Variants in CHST9 observed in about 807,000 individuals in gnomAD.
The protein encoded by CHST9 is GalNAc-4-sulfotransferase 2.
A neutral mutation model predicts 44.4 loss-of-function variants in CHST9; 41 were observed. That is an observed-to-expected ratio of 0.92 (90% CI 0.72 to 1.20). CHST9 has a LOEUF of 1.20. Ranked by LOEUF, CHST9 falls within the 50% of genes most tolerant of loss-of-function variation. The pLI is 0.00. For synonymous variants in CHST9, 171 were observed against 178.4 expected, an observed-to-expected ratio of 0.96 and a Z score of 0.33; for missense variants, 504 against 516.5, an observed-to-expected ratio of 0.98 and a Z score of 0.23.
At chr18:27,165,920 T>C (rs1242762967) in intron 1 of CHST9, among the ~76,000 whole-genome samples, 1 of 152,208 alleles carries the variant, frequency 6.6e-6, no homozygotes, top group Non-Finnish European at 1.5e-5. Flanking sequence ...ACTTCCTTTT[T>C]TAACGGCTAC....
chr18:27,045,213 A>C lies in CHST9; in HGVS notation c.160+3252T>G, dbSNP rs550233984. On this transcript the variant is annotated intron_variant, in intron 3 of 5. Transcript: ENST00000618847. ...TAGGGCTATTCTTTCCATTATACTT[A>C]ACTGAATTTGAAAGAGTTCTTCTTT... Among the ~76,000 whole-genome samples the C allele has an allele frequency of 2.6e-5, 4 of 152,126 alleles. 1 individual carries two copies. Among genetic ancestry groups the C allele is most frequent in the African/African-American group, 7.2e-5 (3 of 41,548 alleles).
At chr18:27,014,378 C>T (rs1399237286) in intron 4 of CHST9, among the ~76,000 whole-genome samples, 2 of 131,236 alleles carry the variant, frequency 1.5e-5, no homozygotes, top group African/African-American at 2.8e-5. Flanking sequence ...GGCGTGAACC[C>T]GGGAGGCGGA....
chr18:27,016,429 G>C (rs1037575627), intron 4 of CHST9, among the ~76,000 whole-genome samples: 2 of 152,190 alleles, frequency 1.3e-5, no homozygotes, highest in African/African-American at 4.8e-5. Flanking sequence ...CCAAGTCTGT[G>C]ATTAGATGCC....
At chr18:27,177,245 C>T (rs1017828222) in intron 1 of CHST9, among the ~76,000 whole-genome samples, 8 of 151,740 alleles carry the variant, frequency 5.3e-5, no homozygotes, top group African/African-American at 1.5e-4. Context: ...AATTACCCTC[C>T]TTCTAATCGA....
intron 2 of CHST9, among the ~76,000 whole-genome samples, chr18:27,082,884 A>G (rs1234214554): frequency 6.6e-6 from 1 of 152,186 alleles, no homozygotes; most frequent in African/African-American, 2.4e-5. Flanking sequence ...TTAAATCCCT[A>G]TAGCAATCAG....
chr18:27,091,801 T>A (rs2058071681), intron 2 of CHST9, among the ~76,000 whole-genome samples: 1 of 152,234 alleles, frequency 6.6e-6, no homozygotes, highest in African/African-American at 2.4e-5. Context: ...GAAGCCAACT[T>A]GATCATAGTG....
At chr18:27,167,124 A>C (rs954500060) in intron 1 of CHST9, among the ~76,000 whole-genome samples, 9 of 152,236 alleles carry the variant, frequency 5.9e-5, no homozygotes, top group Non-Finnish European at 2.9e-5. Flanking sequence ...TAGGAATTTC[A>C]TCTCCTGCTT....
chr18:26,929,789 G>T (rs368479616), intron 5 of CHST9, among the ~76,000 whole-genome samples: 7 of 152,054 alleles, frequency 4.6e-5, no homozygotes, highest in African/African-American at 1.7e-4. Flanking sequence ...AGAAGAGGAG[G>T]CACAAAAGTA....
chr18:26,916,962 T>C lies in CHST9; in HGVS notation c.629A>G (p.Asp210Gly). The C allele has an allele frequency of 6.2e-7, 1 of 1,613,936 alleles. No individual in the cohort carries two copies. The highest frequency in any genetic ancestry group is 1.1e-5 in the South Asian group (1 of 91,066). Residue 210 changes from aspartate to glycine, a missense_variant, in exon 6 of 6, where the codon GAT (aspartate) becomes GGT (glycine). Physicochemically the swap from Asp to Gly is moderately conservative, Grantham distance 94 (BLOSUM62 -1). Coordinates refer to ENST00000618847, the MANE Select transcript of CHST9 (RefSeq NM_031422.6). ...CTCACAATATAAGATTTTGTGTTTA[T>C]CTTCTACATAGATTCTGGATACTGT... The part of the protein sequence containing the change: ...FHTVSRIYVE[D>G]KHKILYCEVP...
intron 2 of CHST9, among the ~76,000 whole-genome samples, chr18:27,093,752 C>T (rs2058091041): frequency 6.6e-6 from 1 of 152,212 alleles, no homozygotes; most frequent in South Asian, 2.1e-4. Context: ...GGGCTGCACC[C>T]ACTGTCAAAC....
At chr18:27,010,021 C>A (rs1232160053) in intron 4 of CHST9, among the ~76,000 whole-genome samples, 1 of 152,158 alleles carries the variant, frequency 6.6e-6, no homozygotes, top group African/African-American at 2.4e-5. Context: ...AACCCTCTAA[C>A]CTCAGTTTTC....
At position 26,913,794 on chromosome 18, in the gene CHST9, G is replaced by A. The variant is rs1333904332; in HGVS notation, c.*2465C>T. On this transcript the variant is annotated 3_prime_UTR_variant, in exon 6 of 6. Coordinates refer to ENST00000618847, the MANE Select transcript of CHST9 (RefSeq NM_031422.6). Reference sequence around the variant, plus strand: ...GCAGAAATGACAAAGGTGAATGTGAGCTGGTCTGCAAGGCCAAATAAGTCA... The same window carrying A: ...GCAGAAATGACAAAGGTGAATGTGAACTGGTCTGCAAGGCCAAATAAGTCA... 6.6e-6 allele frequency: 1 copy of A among 152,186 alleles called. No individual in the cohort carries two copies. Among genetic ancestry groups the A allele is most frequent in the Non-Finnish European group, 1.5e-5 (1 of 68,030 alleles). The allele number at this position is 152,186 out of a possible 1,614,324, so 9.4% of individuals were successfully genotyped here.
chr18:26,956,173 G>T (rs1245327682), intron 4 of CHST9, among the ~76,000 whole-genome samples: 1 of 151,334 alleles, frequency 6.6e-6, no homozygotes, highest in East Asian at 2.0e-4. Context: ...TTAGCTGGGT[G>T]TGGTGGCGCA....
chr18:27,022,308 T>C lies in CHST9; in HGVS notation c.202+1808A>G, dbSNP rs576582746. On this transcript the variant is annotated intron_variant, in intron 4 of 5. Transcript: ENST00000618847. ...ACTCTCTCAAATTTCTTTATATCCA[T>C]CTTTAAACTCATCTTAGTTTTTCCC... Among the ~76,000 whole-genome samples the C allele has an allele frequency of 2.6e-5, 4 of 152,234 alleles. No individual in the cohort carries two copies. In the South Asian group the frequency reaches 8.3e-4, roughly 32 times the overall value.
At chr18:27,124,257 T>A (rs764347980) in intron 2 of CHST9, among the ~76,000 whole-genome samples, 1 of 152,222 alleles carries the variant, frequency 6.6e-6, no homozygotes, top group African/African-American at 2.4e-5. Flanking sequence ...CAAGTTAACT[T>A]GGCATCCTGG....
At chr18:27,003,442 A>G (rs1176802492) in intron 4 of CHST9, among the ~76,000 whole-genome samples, 1 of 152,198 alleles carries the variant, frequency 6.6e-6, no homozygotes, top group African/African-American at 2.4e-5. Context: ...TTCAATTTAC[A>G]GGATGAAATA....
chr18:26,937,422 C>A (rs1463282494), intron 5 of CHST9, among the ~76,000 whole-genome samples: 1 of 152,012 alleles, frequency 6.6e-6, no homozygotes. Flanking sequence ...TTAGGGTGGT[C>A]ATAAGTGAGA....
rs1157733940 is a variant in CHST9 at position 27,137,357 on chromosome 18, T to TAG, written c.121+5330_121+5331dup. 5.1e-4 allele frequency among the ~76,000 whole-genome samples: 65 copies of TAG among 126,488 alleles called. No individual in the cohort carries two copies. In the East Asian group the frequency reaches 0.011, roughly 22 times the overall value. The allele number at this position is 126,488 out of a possible 152,430, so 83.0% of individuals were successfully genotyped here. A position where few individuals can be genotyped will look rare whatever the true frequency, so the allele number is the denominator to read the frequency against. On this transcript the variant is annotated intron_variant, in intron 2 of 5. Transcript: ENST00000618847. Reference sequence around the variant, plus strand: ...GTGTGTGTGTGTGTGTGTGTGTGTATAGAGAGAGAGAGAGAGAAAGAGGCA... The same window carrying TAG: ...GTGTGTGTGTGTGTGTGTGTGTGTATAGAGAGAGAGAGAGAGAGAAAGAGGCA...
At chr18:27,047,388 TTGTGTGTG>T (rs55698484) in intron 3 of CHST9, among the ~76,000 whole-genome samples, 4 of 145,652 alleles carry the variant, frequency 2.7e-5, no homozygotes, top group Middle Eastern at 3.5e-3. Flanking sequence ...GCCTTCATAA[TTGTGTGTG>T]TGTGTGTGTG....
Sources: allele counts gnomAD v4.1 joint callset (sites outside exome capture counted in the v4.1 genomes callset), GRCh38; gene constraint gnomAD v4.1.1; transcripts MANE v1.5; gene names NCBI Gene and HGNC (gene_info 2026-07-23, HGNC 2026-07-21).